CCDC125: variants seen among roughly 807,000 people sequenced by gnomAD.
The protein encoded by CCDC125 is coiled-coil domain containing 125.
A neutral mutation model predicts 57.4 loss-of-function variants in CCDC125; 43 were observed. The ratio of observed to expected loss-of-function variants is 0.75; its 90% CI spans 0.59 to 0.97. The LOEUF is 0.97. Among genes scored for constraint, CCDC125 ranks in the 50% least tolerant of loss-of-function variants. The probability of loss-of-function intolerance (pLI) is 0.00; values close to 1 mark genes in which losing one functional copy is unlikely to be tolerated. For missense variants in CCDC125, 563 were observed against 595.7 expected, an observed-to-expected ratio of 0.95 and a Z score of 0.57; for synonymous variants, 187 against 195.2, an observed-to-expected ratio of 0.96 and a Z score of 0.35.
chr5:69,306,781 G>T (rs758760062), intron 6 of CCDC125, 36 bp downstream of exon 6: 1 of 1,365,112 alleles, frequency 7.3e-7, no homozygotes, highest in Admixed American at 2.9e-5. Context: ...AGATTTTAAA[G>T]GTTGTCAAAG....
intron 7 of CCDC125, among the ~76,000 whole-genome samples, chr5:69,302,099 T>TAAAC (rs1333284417): frequency 6.6e-6 from 1 of 150,488 alleles, no homozygotes; most frequent in African/African-American, 2.4e-5. Flanking sequence ...AATAAATAAA[T>TAAAC]AAACAAATAA....
At chr5:69,311,651 A>AGGG (rs1561460704) in intron 3 of CCDC125, among the ~76,000 whole-genome samples, 67 of 149,864 alleles carry the variant, frequency 4.5e-4, no homozygotes, top group African/African-American at 1.6e-3. Context: ...CTCTGTCTCA[A>AGGG]TTAAAAAAAT....
chr5:69,279,279 C>A (rs894522248), downstream of CCDC125, among the ~76,000 whole-genome samples: 1 of 150,510 alleles, frequency 6.6e-6, no homozygotes, highest in Non-Finnish European at 1.5e-5. Context: ...CTCACTGCAA[C>A]CTCCGCCCAC....
intron 1 of CCDC125, among the ~76,000 whole-genome samples, chr5:69,324,270 T>A (rs1287708446): frequency 6.6e-6 from 1 of 152,216 alleles, no homozygotes; most frequent in Admixed American, 6.5e-5. Context: ...ATGCTCAGCA[T>A]CATTAGTTAT....
At chr5:69,320,956 T>C (rs1266992698) in intron 1 of CCDC125, among the ~76,000 whole-genome samples, 1 of 152,074 alleles carries the variant, frequency 6.6e-6, no homozygotes, top group East Asian at 1.9e-4. Flanking sequence ...TTCTTCCTTA[T>C]GTATAAAATA....
intron 4 of CCDC125, chr5:69,310,495 T>G: frequency 6.2e-6 from 1 of 160,050 alleles, no homozygotes; most frequent in East Asian, 1.8e-4. Context: ...CACAGCCATG[T>G]GGAACTGTAA....
At chr5:69,315,760 CAAAAAAAAAA>C (rs749999748) in intron 2 of CCDC125, among the ~76,000 whole-genome samples, 1 of 88,146 alleles carries the variant, frequency 1.1e-5, no homozygotes, top group East Asian at 3.1e-4. Flanking sequence ...AACTCCGTCT[CAAAAAAAAAA>C]AAAAAAAAGA....
Position 69,286,174 on chromosome 5 carries a change from G to C in CCDC125, c.1100-707C>G, listed in dbSNP as rs551629904. Among the ~76,000 whole-genome samples, 5 of 112,126 alleles carry C rather than the reference G, an allele frequency of 4.5e-5. No homozygotes were observed. The South Asian group carries it at 1.5e-3, about 34-fold the overall frequency. The allele number at this position is 112,126 out of a possible 152,430, so 73.6% of individuals were successfully genotyped here. Reference sequence around the variant, plus strand: ...ATATACTTAATACCACTTAAAAACAGTTCAAATGGTAAACTATATATATAT... The same window carrying C: ...ATATACTTAATACCACTTAAAAACACTTCAAATGGTAAACTATATATATAT... On this transcript the variant is annotated intron_variant, in intron 10 of 11. Coordinates refer to ENST00000396496, the MANE Select transcript of CCDC125 (RefSeq NM_176816.5).
At chr5:69,311,775 C>G (rs1255133099) in intron 3 of CCDC125, among the ~76,000 whole-genome samples, 1 of 151,010 alleles carries the variant, frequency 6.6e-6, no homozygotes, top group Non-Finnish European at 1.5e-5. Flanking sequence ...ACTCTGTCAC[C>G]CAGGCTGGAG....
the CCDC125 span, among the ~76,000 whole-genome samples, chr5:69,274,743 G>A: frequency 6.6e-6 from 1 of 152,004 alleles, no homozygotes; most frequent in African/African-American, 2.4e-5. Context: ...AGCCTCCCTA[G>A]TAGCTGGGAT....
chr5:69,273,392 CAAATTCATTT>C, the CCDC125 span, among the ~76,000 whole-genome samples: 1 of 152,138 alleles, frequency 6.6e-6, no homozygotes, highest in Non-Finnish European at 1.5e-5. Context: ...TGAGCTCTTA[CAAATTCATTT>C]AAATCTTGTA....
At chr5:69,273,550 C>A in the CCDC125 span, among the ~76,000 whole-genome samples, 1 of 151,986 alleles carries the variant, frequency 6.6e-6, no homozygotes, top group Non-Finnish European at 1.5e-5. Flanking sequence ...TGTATGCTTA[C>A]AAAAGCTTGA....
intron 2 of CCDC125, among the ~76,000 whole-genome samples, chr5:69,319,670 A>C (rs1317604858): frequency 6.6e-6 from 1 of 151,134 alleles, no homozygotes; most frequent in Non-Finnish European, 1.5e-5. Context: ...TTTAGTAGAG[A>C]CAGGGTTTCA....
chr5:69,331,799 C>T (rs1269601126), intron 1 of CCDC125, among the ~76,000 whole-genome samples: 2 of 152,176 alleles, frequency 1.3e-5, no homozygotes, highest in African/African-American at 4.8e-5. Flanking sequence ...GGACAGCACT[C>T]CCTCCAGTAG....
At chr5:69,273,539 T>C in the CCDC125 span, among the ~76,000 whole-genome samples, 27 of 152,182 alleles carry the variant, frequency 1.8e-4, no homozygotes, top group Admixed American at 2.0e-4. Flanking sequence ...TCAGATATAA[T>C]TGTATGCTTA....
chr5:69,284,710 T>C (rs921343453), intron 11 of CCDC125, among the ~76,000 whole-genome samples: 4 of 152,256 alleles, frequency 2.6e-5, no homozygotes, highest in East Asian at 3.9e-4. Context: ...AGGAAGCAAA[T>C]AGATTAGCTT....
chr5:69,291,159 T>C lies in CCDC125; in HGVS notation c.1099+1029A>G, dbSNP rs143939445. Among the ~76,000 whole-genome samples the C allele has an allele frequency of 3.8e-4, 58 of 152,324 alleles. 1 individual carries two copies. The highest frequency in any genetic ancestry group is 1.3e-3 in the African/African-American group (54 of 41,572). The stretch of plus-strand genomic sequence containing the variant: ...ATTCTTTCTCAACTGATAAATGGTT[T>C]CAAATTATAATTTGACATTTTAAAC... On this transcript the variant is annotated intron_variant, in intron 10 of 11. Coordinates refer to ENST00000396496, the MANE Select transcript of CCDC125 (RefSeq NM_176816.5).
chr5:69,275,879 T>C (rs1742780503), downstream of CCDC125, among the ~76,000 whole-genome samples: 1 of 152,196 alleles, frequency 6.6e-6, no homozygotes, highest in African/African-American at 2.4e-5. Context: ...AGTTTCATTT[T>C]TAATCTTGGC....
chr5:69,294,716 A>G, intron 9 of CCDC125, 77 bp downstream of exon 9: 1 of 1,079,978 alleles, frequency 9.3e-7, no homozygotes, highest in Non-Finnish European at 1.4e-6. Context: ...GAAGTTAATT[A>G]TTGCAAACAT....
Sources: gnomAD v4.1 joint callset for allele counts (sites outside exome capture counted in the v4.1 genomes callset) on GRCh38, gnomAD v4.1.1 for gene constraint, MANE v1.5 for transcripts, NCBI Gene and HGNC (gene_info 2026-07-23, HGNC 2026-07-21) for gene names.